Variants in SLC7A6 observed in about 807,000 individuals in gnomAD.
SLC7A6 encodes the protein Y+L amino acid transporter 2.
In SLC7A6, 29 loss-of-function variants were observed where a neutral mutation model predicts 46.6. The observed-to-expected ratio is 0.62, with a 90% confidence interval of 0.46 to 0.85. The LOEUF is 0.85. Ranked by LOEUF, SLC7A6 falls within the 40% of genes least tolerant of loss-of-function variation. The pLI, the probability that SLC7A6 is intolerant of heterozygous loss-of-function variation, is 0.00. For missense variants in SLC7A6, 527 were observed against 647.6 expected, an observed-to-expected ratio of 0.81 and a Z score of 2.02; for synonymous variants, 276 against 257.3, an observed-to-expected ratio of 1.07 and a Z score of -0.70.
chr16:68,281,026 C>T (rs1367183890), intron 3 of SLC7A6, among the ~76,000 whole-genome samples: 2 of 152,178 alleles, frequency 1.3e-5, no homozygotes, highest in African/African-American at 2.4e-5. Flanking sequence ...ACCCACGGCG[C>T]CCAGCCGGCT....
At chr16:68,285,438 A>G (rs759745964) in intron 3 of SLC7A6, among the ~76,000 whole-genome samples, 1 of 152,172 alleles carries the variant, frequency 6.6e-6, no homozygotes, top group South Asian at 2.1e-4. Flanking sequence ...CCATACAGGT[A>G]GCTTTGATCA....
intron 7 of SLC7A6, among the ~76,000 whole-genome samples, chr16:68,294,241 A>G (rs2043116632): frequency 6.6e-6 from 1 of 152,184 alleles, no homozygotes; most frequent in Non-Finnish European, 1.5e-5. Context: ...AGGTGTAGAA[A>G]GGAAGCCTGG....
rs541205410 is a variant in SLC7A6, at chr16:68,275,187, C to T, written c.461C>T (p.Pro154Leu). 40 of 1,613,808 alleles carry T rather than the reference C, an allele frequency of 2.5e-5. 1 individual carries two copies. The highest frequency in any genetic ancestry group is 2.0e-4 in the South Asian group (18 of 91,068). Residue 154 changes from proline (P) to leucine (L), a missense_variant, in exon 3 of 11, where the codon CCG (proline) becomes CTG (leucine). Coordinates refer to ENST00000219343, the MANE Select transcript of SLC7A6 (RefSeq NM_003983.6). ...ACCTTTGCCAACTACATCATCCAGC[C>T]GTCCTTCCCCAGCTGTGATCCCCCA... ...AITFANYIIQ[P>L]SFPSCDPPYL... is the part of the protein sequence containing the mutation.
intron 7 of SLC7A6, chr16:68,292,477 G>C (rs995621209): frequency 6.6e-6 from 1 of 152,172 alleles, no homozygotes; most frequent in African/African-American, 2.4e-5. Context: ...ACACAAAATA[G>C]CGTTTCGCAT....
chr16:68,295,404 G>C (rs1167257163), intron 8 of SLC7A6, among the ~76,000 whole-genome samples: 1 of 152,164 alleles, frequency 6.6e-6, no homozygotes, highest in African/African-American at 2.4e-5. Context: ...GGCCAGCATT[G>C]AATTTATAAA....
At chr16:68,295,089 CCA>C (rs766223527) in intron 8 of SLC7A6, among the ~76,000 whole-genome samples, 8 of 152,112 alleles carry the variant, frequency 5.3e-5, no homozygotes, top group African/African-American at 1.7e-4. Context: ...ATCCATTTTC[CCA>C]CAGTTTTCAA....
At chr16:68,286,129 A>AAAT (rs2042926884) in intron 3 of SLC7A6, among the ~76,000 whole-genome samples, 1 of 151,894 alleles carries the variant, frequency 6.6e-6, no homozygotes, top group African/African-American at 2.4e-5. Context: ...GAAAGAAGGA[A>AAAT]AATAAAATGA....
At chr16:68,296,250 C>A in intron 8 of SLC7A6, 114 bp from the exon 9 acceptor site, 1 of 1,186,324 alleles carries the variant, frequency 8.4e-7, no homozygotes. Context: ...TGAAAAGAGC[C>A]AGAGGTAATC....
intron 3 of SLC7A6, among the ~76,000 whole-genome samples, chr16:68,286,641 T>G (rs78805615): frequency 0.043 from 6,479 of 152,268 alleles, 161 homozygotes; most frequent in Middle Eastern, 0.14. Context: ...GTCGTCCCCA[T>G]GGATCAGTCA....
At position 68,298,611 on chromosome 16, in the gene SLC7A6, G is replaced by A. The variant is rs2043215495; in HGVS notation, c.*1283G>A. The A allele has an allele frequency of 6.6e-6, 1 of 152,248 alleles. No homozygotes were observed. Among genetic ancestry groups the A allele is most frequent in the South Asian group, 2.1e-4 (1 of 4,828 alleles). The allele number at this position is 152,248 out of a possible 1,614,324, so 9.4% of individuals were successfully genotyped here. ...GTCTCAGGAAGAGCTTGGTACTTGT[G>A]GGGACTTCTGTTTTCTCCCTGTGGA... On this transcript the variant is annotated 3_prime_UTR_variant, in exon 11 of 11. Coordinates refer to ENST00000219343, the MANE Select transcript of SLC7A6 (RefSeq NM_003983.6).
intron 2 of SLC7A6, among the ~76,000 whole-genome samples, chr16:68,274,228 C>CA (rs2151216353): frequency 1.3e-5 from 2 of 152,298 alleles, no homozygotes; most frequent in African/African-American, 4.8e-5. Flanking sequence ...TCCCAGTTTA[C>CA]ATTGGGTAGA....
chr16:68,289,575 G>T (rs2043006747), intron 4 of SLC7A6, among the ~76,000 whole-genome samples: 1 of 152,140 alleles, frequency 6.6e-6, no homozygotes, highest in Non-Finnish European at 1.5e-5. Context: ...CATGAGAGCT[G>T]GGTCTAGGCT....
chr16:68,277,065 A>G (rs1446223144), intron 3 of SLC7A6, among the ~76,000 whole-genome samples: 1 of 151,946 alleles, frequency 6.6e-6, no homozygotes, highest in Non-Finnish European at 1.5e-5. Context: ...CTCTTAAGTC[A>G]TCCAAAATCT....
At chr16:68,290,265 C>CT (rs2043020513) in intron 4 of SLC7A6, 131 bp from the exon 5 acceptor site, 4 of 970,118 alleles carry the variant, frequency 4.1e-6, no homozygotes, top group South Asian at 1.9e-5. Flanking sequence ...CCCATTCCTC[C>CT]TTTTTTTCAT....
intron 3 of SLC7A6, among the ~76,000 whole-genome samples, chr16:68,277,316 T>TTTTATTCATTTATTTA (rs2042730285): frequency 1.5e-5 from 2 of 135,886 alleles, no homozygotes. Context: ...AGAAGAGTAC[T>TTTTATTCATTTATTTA]TTTATTTATT....
chr16:68,300,589 T>C lies in SLC7A6; in HGVS notation c.*3261T>C. 1 of 979,978 alleles carries C rather than the reference T, an allele frequency of 1.0e-6. No homozygotes were observed. Among genetic ancestry groups the C allele is most frequent in the Non-Finnish European group, 1.2e-6 (1 of 824,956 alleles). 60.7% of individuals were successfully genotyped at this position (979,978 alleles called of 1,614,324 possible). On this transcript the variant is annotated 3_prime_UTR_variant, in exon 11 of 11. Transcript: ENST00000219343. Reference sequence around the variant, plus strand: ...GCTCCCTGTTTTAGATATTCAGATTTAAAAGGTTTTCAAAGAATTACTTTC... The same window carrying C: ...GCTCCCTGTTTTAGATATTCAGATTCAAAAGGTTTTCAAAGAATTACTTTC...
chr16:68,268,964 G>A (rs1223514959), intron 2 of SLC7A6, among the ~76,000 whole-genome samples: 5 of 151,856 alleles, frequency 3.3e-5, no homozygotes, highest in Admixed American at 6.6e-5. Flanking sequence ...CCAAGATCGC[G>A]TCATTGCACT....
intron 3 of SLC7A6, among the ~76,000 whole-genome samples, chr16:68,284,038 C>T (rs2042878864): frequency 6.6e-6 from 1 of 151,952 alleles, no homozygotes; most frequent in Non-Finnish European, 1.5e-5. Flanking sequence ...TCTGGCAGGG[C>T]TGATAGTAGG....
chr16:68,265,558 C>T (rs578005919), intron 1 of SLC7A6: 4 of 152,228 alleles, frequency 2.6e-5, no homozygotes, highest in African/African-American at 7.2e-5. Flanking sequence ...GAACTGCTCC[C>T]AGATTTCAGA....
Sources: gnomAD v4.1 joint callset for allele counts (sites outside exome capture counted in the v4.1 genomes callset) on GRCh38, gnomAD v4.1.1 for gene constraint, MANE v1.5 for transcripts, NCBI Gene and HGNC (gene_info 2026-07-23, HGNC 2026-07-21) for gene names.